Variants in SLC22A3 observed in about 807,000 individuals in gnomAD.
SLC22A3 encodes EMT organic cation transporter 3.
Under a neutral mutation model 59.1 loss-of-function variants are expected in SLC22A3, and 51 were observed. The observed-to-expected ratio is 0.86, with a 90% CI of 0.69 to 1.09. The LOEUF is 1.09. SLC22A3 is among the 50% of genes least tolerant of loss of function. SLC22A3 has a pLI of 0.00. For missense variants in SLC22A3, 711 were observed against 726.3 expected, an observed-to-expected ratio of 0.98 and a Z score of 0.24; for synonymous variants, 325 against 292.0, an observed-to-expected ratio of 1.11 and a Z score of -1.15.
In SLC22A3 at chr6:160,386,226, A is replaced by G. The variant is rs376485111; in HGVS notation, c.430-11753A>G. ...CCTCCAGCTCCTTATACTTCTGCCC[A>G]TATATCTCACTCTCTGTTTTCCAGC... On this transcript the variant is annotated intron_variant, in intron 1 of 10. Transcript: ENST00000275300. Among the ~76,000 whole-genome samples, 5 of 152,268 alleles carry G rather than the reference A, an allele frequency of 3.3e-5. No individual in the cohort carries two copies. The East Asian group carries it at 5.8e-4, about 18-fold the overall frequency.
chr6:160,403,749 T>A (rs915134850), intron 2 of SLC22A3, among the ~76,000 whole-genome samples: 1 of 145,656 alleles, frequency 6.9e-6, no homozygotes, highest in Non-Finnish European at 1.5e-5. Flanking sequence ...GTAAAACTGG[T>A]TCAGCATTCT....
intron 2 of SLC22A3, among the ~76,000 whole-genome samples, chr6:160,406,808 G>A (rs1787031753): frequency 6.6e-6 from 1 of 152,190 alleles, no homozygotes; most frequent in South Asian, 2.1e-4. Flanking sequence ...ATAGTTTCAA[G>A]GAGGGTCATC....
intron 7 of SLC22A3, among the ~76,000 whole-genome samples, chr6:160,439,603 A>G (rs979627558): frequency 6.6e-5 from 10 of 152,340 alleles, no homozygotes; most frequent in African/African-American, 2.4e-4. Flanking sequence ...CATATATTGG[A>G]AAATATAACA....
At chr6:160,353,066 G>A (rs62440386) in intron 1 of SLC22A3, among the ~76,000 whole-genome samples, 240 of 152,216 alleles carry the variant, frequency 1.6e-3, no homozygotes, top group Admixed American at 3.3e-3. Context: ...CTAGGCCTCC[G>A]AAAGTGCTGG....
intron 2 of SLC22A3, among the ~76,000 whole-genome samples, chr6:160,400,196 T>G (rs1008663841): frequency 9.9e-5 from 15 of 151,244 alleles, no homozygotes; most frequent in Non-Finnish European, 1.6e-4. Flanking sequence ...AAGGAACAAT[T>G]TTGAAATATG....
Position 160,348,866 on chromosome 6 carries a change from C to T in SLC22A3, c.429+18C>T, listed in dbSNP as rs928206042. The T allele has an allele frequency of 3.2e-6, 5 of 1,563,268 alleles. No individual in the cohort carries two copies. The African/African-American group carries it at 6.7e-5, about 21-fold the overall frequency. ...TCAGCGAGGTAAGGGCGCCCCGGCCCTTTGGAAGCCGGCGGGAGAGGACGA... is the reference window on the plus strand; with the variant it reads ...TCAGCGAGGTAAGGGCGCCCCGGCCTTTTGGAAGCCGGCGGGAGAGGACGA... On this transcript the variant is annotated intron_variant, in intron 1 of 10. Transcript: ENST00000275300.
chr6:160,385,556 C>G (rs1192130513), intron 1 of SLC22A3, among the ~76,000 whole-genome samples: 1 of 152,188 alleles, frequency 6.6e-6, no homozygotes, highest in Non-Finnish European at 1.5e-5. Flanking sequence ...CCGTGGCCTC[C>G]AGTCCCTCAA....
chr6:160,381,860 C>T (rs920440078), intron 1 of SLC22A3, among the ~76,000 whole-genome samples: 12 of 152,074 alleles, frequency 7.9e-5, no homozygotes, highest in Non-Finnish European at 5.9e-5. Context: ...GACAATAACA[C>T]TTCATTTAGT....
rs1788681532 is a variant in SLC22A3 at position 160,444,786 on chromosome 6, G to A, written c.1510+1044G>A. Among the ~76,000 whole-genome samples the A allele has an allele frequency of 3.3e-5, 5 of 152,324 alleles. No individual in the cohort carries two copies. In the South Asian group the frequency reaches 1.0e-3, roughly 32 times the overall value. On this transcript the variant is annotated intron_variant, in intron 9 of 10. Coordinates refer to ENST00000275300, the MANE Select transcript of SLC22A3 (RefSeq NM_021977.4). ...GTTTTTCATTTATGGTTCAGCAGTT[G>A]AAATTTGAATGAAAATACTGAGCCC...
intron 1 of SLC22A3, among the ~76,000 whole-genome samples, chr6:160,389,542 T>C (rs557271542): frequency 1.5e-4 from 23 of 152,338 alleles, no homozygotes; most frequent in Non-Finnish European, 3.2e-4. Flanking sequence ...CAACTGTCAC[T>C]GTGCCCTGAT....
chr6:160,349,050 C>A (rs1014955746), intron 1 of SLC22A3: 1 of 985,338 alleles, frequency 1.0e-6, no homozygotes. Flanking sequence ...TCGTTATCTG[C>A]CTGAGCCCGT....
At chr6:160,398,322 G>A (rs1269444567) in intron 2 of SLC22A3, among the ~76,000 whole-genome samples, 1 of 152,184 alleles carries the variant, frequency 6.6e-6, no homozygotes, top group Non-Finnish European at 1.5e-5. Flanking sequence ...AGGACTGAGA[G>A]CATCAGAATG....
intron 1 of SLC22A3, among the ~76,000 whole-genome samples, chr6:160,395,989 G>A (rs1289029666): frequency 6.6e-6 from 1 of 152,176 alleles, no homozygotes; most frequent in Admixed American, 6.5e-5. Context: ...CATACCACTT[G>A]GAGATTTGCA....
chr6:160,425,154 TG>T (rs901468158), intron 5 of SLC22A3, among the ~76,000 whole-genome samples: 8 of 152,334 alleles, frequency 5.3e-5, no homozygotes, highest in African/African-American at 1.9e-4. Flanking sequence ...TACATTTTGT[TG>T]TCTAGAAATA....
intron 5 of SLC22A3, among the ~76,000 whole-genome samples, chr6:160,428,960 A>T (rs1402356491): frequency 6.6e-6 from 1 of 152,170 alleles, no homozygotes; most frequent in Non-Finnish European, 1.5e-5. Flanking sequence ...GTAATGTGAC[A>T]TGCTTACTCC....
chr6:160,390,563 A>T (rs1270808981), intron 1 of SLC22A3, among the ~76,000 whole-genome samples: 1 of 151,874 alleles, frequency 6.6e-6, no homozygotes, highest in Non-Finnish European at 1.5e-5. Flanking sequence ...CTGACACCTG[A>T]GAGGTGGGAA....
At position 160,430,053 on chromosome 6, in the gene SLC22A3, G is replaced by GGT. The variant is rs1377242183; in HGVS notation, c.976-6716_976-6715dup. ...TGTTACTATGACATATTGTGTGCCA[G>GGT]GTGTGTGTGTGTTATAGGTGCATAT... On this transcript the variant is annotated intron_variant, in intron 5 of 10. Coordinates refer to ENST00000275300, the MANE Select transcript of SLC22A3 (RefSeq NM_021977.4). Among the ~76,000 whole-genome samples, 9 of 151,800 alleles carry GGT rather than the reference G, an allele frequency of 5.9e-5. No homozygotes were observed. The East Asian group carries it at 1.5e-3, about 26-fold the overall frequency.
intron 1 of SLC22A3, among the ~76,000 whole-genome samples, chr6:160,377,622 C>A (rs973404614): frequency 6.6e-6 from 1 of 152,152 alleles, no homozygotes; most frequent in African/African-American, 2.4e-5. Context: ...CAAAACTCTC[C>A]TAAGATTATT....
intron 1 of SLC22A3, among the ~76,000 whole-genome samples, chr6:160,384,091 A>ATGT (rs1785901302): frequency 6.6e-6 from 1 of 152,128 alleles, no homozygotes. Flanking sequence ...CACCAGGACC[A>ATGT]GCTAATTCTT....
Sources: allele counts gnomAD v4.1 joint callset (sites outside exome capture counted in the v4.1 genomes callset), GRCh38; gene constraint gnomAD v4.1.1; transcripts MANE v1.5; gene names NCBI Gene and HGNC (gene_info 2026-07-23, HGNC 2026-07-21).